FBXO17: variants seen among roughly 807,000 people sequenced by gnomAD.
The protein encoded by FBXO17 is F-box protein 17, also known as F-box only protein 17.
FBXO17 carries 43 observed loss-of-function variants against 34.1 expected under a neutral mutation model. The observed-to-expected ratio is 1.26, with a 90% CI of 0.99 to 1.62. FBXO17 has a LOEUF of 1.62. Among genes scored for constraint, FBXO17 ranks in the 40% most tolerant of loss-of-function variants. The pLI, the probability that FBXO17 is intolerant of heterozygous loss-of-function variation, is 0.00. For missense variants in FBXO17, 424 were observed against 386.7 expected (o/e 1.10, Z -0.81); for synonymous variants, 169 against 166.0 (o/e 1.02, Z -0.14).
chr19:38,973,894 G>A (rs1015199679), intron 1 of FBXO17, among the ~76,000 whole-genome samples: 12 of 151,024 alleles, frequency 7.9e-5, no homozygotes, highest in Non-Finnish European at 1.6e-4. Flanking sequence ...GAGGTGGGAG[G>A]ATCTCTTGAG....
At chr19:38,971,741 T>A (rs1261811246) in intron 1 of FBXO17, among the ~76,000 whole-genome samples, 2 of 150,818 alleles carry the variant, frequency 1.3e-5, no homozygotes, top group African/African-American at 4.9e-5. Context: ...GAGCCAAGAC[T>A]GTGCCACTGC....
intron 1 of FBXO17, among the ~76,000 whole-genome samples, chr19:38,970,338 C>T (rs1375303877): frequency 6.6e-6 from 1 of 151,892 alleles, no homozygotes; most frequent in African/African-American, 2.4e-5. Flanking sequence ...CTCTTCTGGA[C>T]CTGGGACCAC....
intron 1 of FBXO17, among the ~76,000 whole-genome samples, chr19:38,961,140 G>T (rs1442511613): frequency 6.6e-6 from 1 of 152,088 alleles, no homozygotes; most frequent in African/African-American, 2.4e-5. Flanking sequence ...AAGGTTCATT[G>T]TATTGAACGG....
intron 2 of FBXO17, 57 bp from the exon 3 acceptor site, chr19:38,948,735 C>T: frequency 6.7e-7 from 1 of 1,488,878 alleles, no homozygotes; most frequent in Non-Finnish European, 9.3e-7. Flanking sequence ...CCAGAAGAGA[C>T]CCCGCAACCA....
chr19:38,970,939 A>C (rs1013787498), intron 1 of FBXO17, among the ~76,000 whole-genome samples: 2 of 151,882 alleles, frequency 1.3e-5, no homozygotes, highest in African/African-American at 4.8e-5. Context: ...ATCTCTACTA[A>C]AATACAAAAA....
intron 2 of FBXO17, 136 bp downstream of exon 2, chr19:38,949,835 C>T (rs1975045557): frequency 1.8e-6 from 2 of 1,108,450 alleles, no homozygotes; most frequent in Non-Finnish European, 2.5e-6. Flanking sequence ...CCAGGCACTG[C>T]GTCCCTCAGC....
chr19:38,964,728 C>G (rs1026227748), intron 1 of FBXO17, among the ~76,000 whole-genome samples: 1 of 151,902 alleles, frequency 6.6e-6, no homozygotes. Context: ...GATCACACCA[C>G]TGTGCTCCAG....
rs903956785 is a variant in FBXO17 at position 38,945,082 on chromosome 19, C to A, written c.580G>T (p.Gly194Cys). The change falls in exon 5 of 6, where the codon GGC becomes TGC. Residue 194 changes from glycine (G) to cysteine (C), a missense_variant. Transcript: ENST00000292852. ...ADWWGARENC[G>C]CVYQLRVRLL... ...CGGACCCGGAGCTGGTAGACGCAGC[C>A]GCAGTTCTCTCGAGCGCCCCACCTG... is the stretch of plus-strand genomic sequence containing the variant. 6.2e-7 allele frequency: 1 copy of A among 1,614,184 alleles called. No individual in the cohort carries two copies. The highest frequency in any genetic ancestry group is 8.5e-7 in the Non-Finnish European group (1 of 1,180,040).
intron 1 of FBXO17, among the ~76,000 whole-genome samples, chr19:38,955,826 T>C (rs1248164530): frequency 6.6e-6 from 1 of 152,114 alleles, no homozygotes; most frequent in Non-Finnish European, 1.5e-5. Flanking sequence ...CAATGGCAAG[T>C]CACTTAATCT....
chr19:38,963,356 G>A (rs578174139), intron 1 of FBXO17, among the ~76,000 whole-genome samples: 6 of 150,878 alleles, frequency 4.0e-5, no homozygotes, highest in East Asian at 2.0e-4. Flanking sequence ...GGGCAGTGGC[G>A]CCATCATAGC....
At chr19:38,973,420 CT>C (rs1359653935) in intron 1 of FBXO17, among the ~76,000 whole-genome samples, 2 of 152,126 alleles carry the variant, frequency 1.3e-5, no homozygotes, top group East Asian at 3.9e-4. Context: ...ACAATTTCCC[CT>C]GCTGTCTCTA....
intron 5 of FBXO17, among the ~76,000 whole-genome samples, chr19:38,944,051 A>G (rs773620111): frequency 7.2e-5 from 11 of 152,136 alleles, no homozygotes; most frequent in South Asian, 4.1e-4. Flanking sequence ...GCAGTCGCCA[A>G]TCTTCTTAGT....
chr19:38,942,682 C>G lies in FBXO17; in HGVS notation c.763G>C (p.Val255Leu), dbSNP rs376624346. 1 of 1,602,912 alleles carries G rather than the reference C, an allele frequency of 6.2e-7. No homozygotes were observed. Among genetic ancestry groups the G allele is most frequent in the Non-Finnish European group, 8.5e-7 (1 of 1,175,784 alleles). Residue 255 changes from valine (V) to leucine (L), a missense_variant, in exon 6 of 6, where the codon GTG becomes CTG. Transcript: ENST00000292852. The part of the protein sequence containing the change: ...YVSFEQYGRD[V>L]SSWVGHYGAL... ...CCATAGTGCCCCACCCAGGAACTCA[C>G]GTCTCTCCCGTACTGCTCAAAAGAT...
chr19:38,951,829 TA>T (rs71165600), intron 1 of FBXO17, among the ~76,000 whole-genome samples: 110,356 of 151,472 alleles, frequency 0.73, 40,916 homozygotes, highest in East Asian at 0.96. Flanking sequence ...TTTGTATCTT[TA>T]AGGAGAGACA....
Position 38,952,584 on chromosome 19 carries a change from C to T in FBXO17, c.-17-2248G>A, listed in dbSNP as rs370850195. 3.6e-5 allele frequency: 19 copies of T among 534,346 alleles called. 1 individual carries two copies. Among genetic ancestry groups the T allele is most frequent in the Non-Finnish European group, 6.2e-5 (16 of 259,956 alleles). The allele number at this position is 534,346 out of a possible 1,614,324, so 33.1% of individuals were successfully genotyped here. A position where few individuals can be genotyped will look rare whatever the true frequency, so the allele number is the denominator to read the frequency against. On this transcript the variant is annotated intron_variant, in intron 1 of 5. Transcript: ENST00000292852. ...AATCTCATCACTACCTTGCTTCATG[C>T]GTCATCTGCTGACCCAGATCATGAC... is the stretch of plus-strand genomic sequence containing the variant.
At chr19:38,971,662 T>C (rs987287349) in intron 1 of FBXO17, among the ~76,000 whole-genome samples, 1 of 151,688 alleles carries the variant, frequency 6.6e-6, no homozygotes, top group African/African-American at 2.4e-5. Context: ...TGGTGTGCAC[T>C]TGTGGTCCCA....
intron 5 of FBXO17, among the ~76,000 whole-genome samples, chr19:38,944,543 C>T (rs763672492): frequency 8.5e-5 from 13 of 152,166 alleles, no homozygotes; most frequent in Non-Finnish European, 1.3e-4. Flanking sequence ...TGTGCCCAGC[C>T]GAAACATTTA....
At chr19:38,959,156 C>T (rs1180270839) in intron 1 of FBXO17, among the ~76,000 whole-genome samples, 2 of 151,772 alleles carry the variant, frequency 1.3e-5, no homozygotes, top group African/African-American at 2.4e-5. Context: ...GTGATCCTGT[C>T]GCCTTGGCCT....
At chr19:38,962,688 T>C (rs1396711255) in intron 1 of FBXO17, among the ~76,000 whole-genome samples, 2 of 151,896 alleles carry the variant, frequency 1.3e-5, no homozygotes, top group East Asian at 3.9e-4. Context: ...GCTCCTTGTA[T>C]CTGCTATTTC....
Sources: gnomAD v4.1 joint callset for allele counts (sites outside exome capture counted in the v4.1 genomes callset) on GRCh38, gnomAD v4.1.1 for gene constraint, MANE v1.5 for transcripts, NCBI Gene and HGNC (gene_info 2026-07-23, HGNC 2026-07-21) for gene names.